CNTNAP2: variants seen among roughly 807,000 people sequenced by gnomAD.
CNTNAP2 encodes contactin associated protein 2.
Under a neutral mutation model 155.2 loss-of-function variants are expected in CNTNAP2, and 98 were observed. That is an observed-to-expected ratio of 0.63 (90% CI 0.54 to 0.75). The LOEUF (loss-of-function observed/expected upper bound fraction) is 0.75, where lower values mean the gene tolerates loss of function less well. Ranked by LOEUF, CNTNAP2 falls within the 30% of genes least tolerant of loss-of-function variation. CNTNAP2 has a pLI of 0.00. For missense variants in CNTNAP2, 1,727 were observed against 1,688.1 expected (o/e 1.02, Z -0.40); for synonymous variants, 651 against 631.2 (o/e 1.03, Z -0.47).
intron 16 of CNTNAP2, among the ~76,000 whole-genome samples, chr7:148,125,655 CTGTGTGTGTGTGTG>C (rs763817928): frequency 8.8e-5 from 12 of 136,380 alleles, no homozygotes; most frequent in Admixed American, 4.4e-4. Context: ...TATTATAAAA[CTGTGTGTGTGTGTG>C]TGTGTGTGTG....
chr7:147,702,824 C>T (rs964375438), intron 13 of CNTNAP2, among the ~76,000 whole-genome samples: 6 of 152,024 alleles, frequency 3.9e-5, no homozygotes, highest in African/African-American at 1.4e-4. Flanking sequence ...CTGTGATGGT[C>T]TTGAAATCCT....
intron 15 of CNTNAP2, among the ~76,000 whole-genome samples, chr7:148,114,791 A>T (rs541303943): frequency 6.6e-6 from 1 of 152,242 alleles, no homozygotes; most frequent in Non-Finnish European, 1.5e-5. Context: ...TATAGTGTAC[A>T]TTATAAAGTA....
intron 3 of CNTNAP2, among the ~76,000 whole-genome samples, chr7:146,863,291 C>T (rs1467437080): frequency 2.0e-5 from 3 of 151,986 alleles, no homozygotes; most frequent in Admixed American, 1.3e-4. Context: ...TAAAAAGGAG[C>T]TTTATTATAG....
chr7:148,098,471 C>CAAAAAAA (rs1804020778), intron 15 of CNTNAP2, among the ~76,000 whole-genome samples: 1 of 71,136 alleles, frequency 1.4e-5, no homozygotes, highest in African/African-American at 5.3e-5. Flanking sequence ...AAAAAAAAAG[C>CAAAAAAA]ATGCTTGTGT....
chr7:146,363,845 G>A (rs1332287392), intron 1 of CNTNAP2, among the ~76,000 whole-genome samples: 9 of 152,110 alleles, frequency 5.9e-5, no homozygotes, highest in East Asian at 1.9e-4. Flanking sequence ...ATATTGGGTC[G>A]AGGGAGAACA....
At chr7:146,906,632 C>T (rs1271101764) in intron 3 of CNTNAP2, among the ~76,000 whole-genome samples, 9 of 152,010 alleles carry the variant, frequency 5.9e-5, no homozygotes, top group Non-Finnish European at 1.2e-4. Context: ...AAAGGACATC[C>T]ACACCGAAAA....
intron 13 of CNTNAP2, among the ~76,000 whole-genome samples, chr7:147,850,757 A>G (rs1418638977): frequency 1.3e-5 from 2 of 152,242 alleles, no homozygotes; most frequent in Non-Finnish European, 2.9e-5. Context: ...CTTACACCTT[A>G]TACAAAAATT....
At chr7:147,326,054 C>T (rs377017154) in intron 9 of CNTNAP2, among the ~76,000 whole-genome samples, 2 of 152,118 alleles carry the variant, frequency 1.3e-5, no homozygotes, top group South Asian at 2.1e-4. Context: ...TCCCCAGTAG[C>T]TGGGACGACA....
intron 1 of CNTNAP2, among the ~76,000 whole-genome samples, chr7:146,550,336 A>G (rs1798096036): frequency 6.7e-6 from 1 of 149,232 alleles, no homozygotes; most frequent in Non-Finnish European, 1.5e-5. Context: ...TTTAAAATAT[A>G]GATCCTATGG....
intron 18 of CNTNAP2, among the ~76,000 whole-genome samples, chr7:148,215,414 G>A (rs1470347004): frequency 6.6e-6 from 1 of 152,062 alleles, no homozygotes; most frequent in African/African-American, 2.4e-5. Context: ...GGTTGCAATG[G>A]TGTTTGGGCA....
In CNTNAP2 at chr7:146,407,413, T is replaced by G. The variant is rs143642890; in HGVS notation, c.97+290440T>G. The stretch of plus-strand genomic sequence containing the variant: ...GCAAACATTCAAGTCTCATGAAATG[T>G]ACGATTTTACCAACTCAAAATATAA... On this transcript the variant is annotated intron_variant, in intron 1 of 23. Transcript: ENST00000361727. Among the ~76,000 whole-genome samples, 119 of 152,296 alleles carry G rather than the reference T, an allele frequency of 7.8e-4. 1 individual carries two copies. Among genetic ancestry groups the G allele is most frequent in the African/African-American group, 2.8e-3 (118 of 41,562 alleles).
chr7:146,246,853 G>T (rs182595752), intron 1 of CNTNAP2, among the ~76,000 whole-genome samples: 1 of 152,184 alleles, frequency 6.6e-6, no homozygotes, highest in Non-Finnish European at 1.5e-5. Context: ...GCAAGCTCCT[G>T]GGGGAGGAGG....
At chr7:146,624,066 C>T (rs556869577) in intron 1 of CNTNAP2, among the ~76,000 whole-genome samples, 11 of 151,790 alleles carry the variant, frequency 7.2e-5, no homozygotes, top group South Asian at 4.2e-4. Flanking sequence ...TTTTTGATAC[C>T]GTGTCTTTTT....
chr7:146,416,967 C>A (rs535714444), intron 1 of CNTNAP2, among the ~76,000 whole-genome samples: 2 of 152,034 alleles, frequency 1.3e-5, no homozygotes, highest in Non-Finnish European at 2.9e-5. Flanking sequence ...ATTATGTGAC[C>A]TTCTATCGCC....
intron 15 of CNTNAP2, among the ~76,000 whole-genome samples, chr7:148,057,312 A>G (rs553853646): frequency 1.6e-4 from 25 of 152,310 alleles, no homozygotes; most frequent in Admixed American, 3.9e-4. Flanking sequence ...ATGAGGATCA[A>G]TCGCTCAATA....
rs141219064 is a variant in CNTNAP2, at chr7:147,368,994, G to T, written c.1499-26615G>T. Among the ~76,000 whole-genome samples, 69 of 152,342 alleles carry T rather than the reference G, an allele frequency of 4.5e-4. 1 individual carries two copies. The highest frequency in any genetic ancestry group is 1.6e-3 in the African/African-American group (66 of 41,594). ...GTGGAAGGCAGAGAAGTAGCAGAAA[G>T]GAGGGATGCTTTGCTGAAATTAGGT... On this transcript the variant is annotated intron_variant, in intron 9 of 23. Transcript: ENST00000361727.
intron 1 of CNTNAP2, among the ~76,000 whole-genome samples, chr7:146,703,716 C>G (rs950599362): frequency 1.3e-4 from 20 of 152,188 alleles, no homozygotes; most frequent in African/African-American, 4.3e-4. Flanking sequence ...TATAAGGGCA[C>G]TAATCCCATT....
chr7:146,926,263 G>A (rs1372602783), intron 3 of CNTNAP2, among the ~76,000 whole-genome samples: 3 of 152,044 alleles, frequency 2.0e-5, no homozygotes, highest in Admixed American at 6.6e-5. Context: ...GTGTGTGTGT[G>A]TGTGTGATTC....
At chr7:146,583,386 C>G (rs1471587708) in intron 1 of CNTNAP2, among the ~76,000 whole-genome samples, 1 of 151,970 alleles carries the variant, frequency 6.6e-6, no homozygotes, top group African/African-American at 2.4e-5. Context: ...TTTTCAAACC[C>G]CAGTGAGGGA....
Sources: allele counts gnomAD v4.1 joint callset (sites outside exome capture counted in the v4.1 genomes callset), GRCh38; gene constraint gnomAD v4.1.1; transcripts MANE v1.5; gene names NCBI Gene and HGNC (gene_info 2026-07-23, HGNC 2026-07-21).